The following RNF217 variants were observed in gnomAD, a reference collection of about 807,000 sequenced individuals.
RNF217 encodes ring finger protein 217.
A neutral mutation model predicts 57.8 loss-of-function variants in RNF217; 31 were observed. That is an observed-to-expected ratio of 0.54 (90% CI 0.40 to 0.72). The LOEUF (loss-of-function observed/expected upper bound fraction) is 0.72, where lower values mean the gene tolerates loss of function less well. RNF217 is among the 30% of genes least tolerant of loss of function. RNF217 has a pLI of 0.00. For missense variants in RNF217, 696 were observed against 708.3 expected (o/e 0.98, Z 0.20); for synonymous variants, 313 against 294.0 (o/e 1.06, Z -0.66).
rs942104258 is a variant in RNF217, at chr6:125,087,231, C to CA, written c.*4300dup. ...TATACTGGCTGTTACATTAGAATTA[C>CA]AAAAAAGTTAGTGGCCTCTATAACC... On this transcript the variant is annotated 3_prime_UTR_variant, in exon 6 of 6. Transcript: ENST00000521654. The CA allele has an allele frequency of 1.3e-5, 2 of 152,200 alleles. No homozygotes were observed. The highest frequency in any genetic ancestry group is 2.4e-5 in the African/African-American group (1 of 41,554). The allele number at this position is 152,200 out of a possible 1,614,324, so 9.4% of individuals were successfully genotyped here. A position where few individuals can be genotyped will look rare whatever the true frequency, so the allele number is the denominator to read the frequency against.
chr6:124,990,474 T>TC (rs1784518461), intron 1 of RNF217, among the ~76,000 whole-genome samples: 1 of 152,230 alleles, frequency 6.6e-6, no homozygotes, highest in South Asian at 2.1e-4. Context: ...CTTTTATATT[T>TC]CCCTGTAAAC....
intron 1 of RNF217, among the ~76,000 whole-genome samples, chr6:125,026,465 T>C (rs1225753462): frequency 6.6e-6 from 1 of 152,224 alleles, no homozygotes; most frequent in Non-Finnish European, 1.5e-5. Context: ...ATCGTCATCA[T>C]TATCATTAAG....
intron 1 of RNF217, among the ~76,000 whole-genome samples, chr6:124,993,383 C>G (rs548244377): frequency 6.6e-6 from 1 of 152,158 alleles, no homozygotes; most frequent in Non-Finnish European, 1.5e-5. Flanking sequence ...CCTCCCCTCC[C>G]GTCCTTTCCA....
intron 1 of RNF217, among the ~76,000 whole-genome samples, chr6:125,013,329 T>C (rs976424753): frequency 6.8e-6 from 1 of 146,624 alleles, no homozygotes; most frequent in African/African-American, 2.5e-5. Context: ...AAAAGAAAGG[T>C]AGGTGCTTGC....
chr6:125,045,910 G>A (rs2114536655), intron 2 of RNF217, among the ~76,000 whole-genome samples: 2 of 151,870 alleles, frequency 1.3e-5, no homozygotes, highest in South Asian at 4.2e-4. Flanking sequence ...CTAAATTTGG[G>A]GGCTATAGAG....
intron 1 of RNF217, among the ~76,000 whole-genome samples, chr6:125,007,672 T>C (rs181215489): frequency 6.6e-6 from 1 of 152,310 alleles, no homozygotes; most frequent in African/African-American, 2.4e-5. Context: ...TTTCTTGTTC[T>C]TAACTGTGGT....
chr6:124,983,149 G>A (rs772368661), intron 1 of RNF217, among the ~76,000 whole-genome samples: 1 of 152,126 alleles, frequency 6.6e-6, no homozygotes, highest in South Asian at 2.1e-4. Flanking sequence ...CTTCAGAAGG[G>A]TCATAAATGC....
At chr6:125,044,999 C>T (rs1787039638) in intron 1 of RNF217, among the ~76,000 whole-genome samples, 1 of 151,982 alleles carries the variant, frequency 6.6e-6, no homozygotes, top group Non-Finnish European at 1.5e-5. Context: ...GACTTAAATG[C>T]CCTATAAGTC....
intron 1 of RNF217, among the ~76,000 whole-genome samples, chr6:124,989,529 T>G (rs896082767): frequency 3.3e-5 from 5 of 152,066 alleles, no homozygotes; most frequent in African/African-American, 1.2e-4. Context: ...TCACCTATGA[T>G]CTCCATCACA....
At chr6:125,033,770 A>G (rs1786473694) in intron 1 of RNF217, among the ~76,000 whole-genome samples, 2 of 151,968 alleles carry the variant, frequency 1.3e-5, no homozygotes, top group African/African-American at 4.8e-5. Context: ...GAATCGCCAC[A>G]CTGACTTCCA....
intron 2 of RNF217, among the ~76,000 whole-genome samples, chr6:125,049,861 G>A (rs1326847761): frequency 2.0e-5 from 3 of 151,806 alleles, no homozygotes; most frequent in Non-Finnish European, 4.4e-5. Flanking sequence ...GGAGGAGCAG[G>A]TTTGGGAAAT....
In RNF217 at chr6:124,963,396, G is replaced by C. The variant is rs951742693; in HGVS notation, c.852G>C (p.Glu284Asp). Residue 284 changes from glutamate to aspartate, a missense_variant, in exon 1 of 6, where the codon GAG (glutamate) becomes GAC (aspartate). Physicochemically the swap from Glu to Asp is conservative, Grantham distance 45 (BLOSUM62 2). This residue lies in a region of RNF217 where 231 missense variants were observed against 321.4 expected (regional missense o/e 0.72). Coordinates refer to ENST00000521654, the MANE Select transcript of RNF217 (RefSeq NM_001286398.3). ...CTTGCTGCAAGAAGGCCGTGTGCGAGGAGTGCCTCAAAGTCTACCTGAGCG... is the reference window on the plus strand; with the variant it reads ...CTTGCTGCAAGAAGGCCGTGTGCGACGAGTGCCTCAAAGTCTACCTGAGCG... ...PLPCCKKAVC[E>D]ECLKVYLSAQ... 16 of 1,498,270 alleles carry C rather than the reference G, an allele frequency of 1.1e-5. No homozygotes were observed. The highest frequency in any genetic ancestry group is 2.6e-5 in the South Asian group (2 of 77,210). The allele number at this position is 1,498,270 out of a possible 1,614,324, so 92.8% of individuals were successfully genotyped here.
chr6:125,045,708 T>G (rs906126649), intron 2 of RNF217, among the ~76,000 whole-genome samples: 1 of 152,056 alleles, frequency 6.6e-6, no homozygotes, highest in African/African-American at 2.4e-5. Context: ...ATCTTTAGAG[T>G]AATAATAGTT....
At chr6:124,966,703 T>A (rs892712857) in intron 1 of RNF217, among the ~76,000 whole-genome samples, 9 of 152,212 alleles carry the variant, frequency 5.9e-5, no homozygotes, top group Non-Finnish European at 1.3e-4. Flanking sequence ...CTGAATATTT[T>A]TGTAAAAGGA....
At chr6:125,000,742 C>T (rs1582692513) in intron 1 of RNF217, among the ~76,000 whole-genome samples, 1 of 151,926 alleles carries the variant, frequency 6.6e-6, no homozygotes, top group Non-Finnish European at 1.5e-5. Context: ...TTTCCATATT[C>T]CTATTTCAAC....
chr6:125,016,320 A>G (rs1785600443), intron 1 of RNF217, among the ~76,000 whole-genome samples: 1 of 152,206 alleles, frequency 6.6e-6, no homozygotes, highest in Non-Finnish European at 1.5e-5. Context: ...AGAGAAGAGA[A>G]AAACATCAGA....
At chr6:125,078,668 TTAAAGG>T (rs1167769635) in intron 4 of RNF217, among the ~76,000 whole-genome samples, 1 of 152,158 alleles carries the variant, frequency 6.6e-6, no homozygotes, top group Non-Finnish European at 1.5e-5. Flanking sequence ...TAATCACCTC[TTAAAGG>T]CCCAACCTCC....
chr6:125,024,685 A>G (rs921694501), intron 1 of RNF217, among the ~76,000 whole-genome samples: 4 of 147,650 alleles, frequency 2.7e-5, no homozygotes, highest in Admixed American at 1.4e-4. Context: ...ATGCCACTGC[A>G]CTCCAGCCTG....
intron 1 of RNF217, among the ~76,000 whole-genome samples, chr6:125,034,372 A>C (rs1472365984): frequency 1.3e-5 from 2 of 152,164 alleles, no homozygotes; most frequent in Non-Finnish European, 2.9e-5. Flanking sequence ...TAATTTTTGT[A>C]TAAGGTGTAA....
Sources: gnomAD v4.1 joint callset for allele counts (sites outside exome capture counted in the v4.1 genomes callset) on GRCh38, gnomAD v4.1.1 for gene constraint, gnomAD v4.1.1 regional missense constraint, MANE v1.5 for transcripts, NCBI Gene and HGNC (gene_info 2026-07-23, HGNC 2026-07-21) for gene names.